Variants in VDAC1 observed in about 807,000 individuals in gnomAD.
VDAC1 encodes voltage dependent anion channel 1.
Under a neutral mutation model 34.7 loss-of-function variants are expected in VDAC1, and 10 were observed. The ratio of observed to expected loss-of-function variants is 0.29; its 90% CI spans 0.18 to 0.49. VDAC1 has a LOEUF of 0.49. Ranked by LOEUF, VDAC1 falls within the 20% of genes least tolerant of loss-of-function variation. VDAC1 has a pLI of 0.99. For missense variants in VDAC1, 230 were observed against 347.9 expected (o/e 0.66, Z 2.69); for synonymous variants, 130 against 136.0 (o/e 0.96, Z 0.30).
chr5:134,087,082 C>CA, the VDAC1 span, among the ~76,000 whole-genome samples: 1 of 152,138 alleles, frequency 6.6e-6, no homozygotes, highest in Non-Finnish European at 1.5e-5. Context: ...AGAATGCCTC[C>CA]ACTGCCTTTG....
At chr5:133,972,903 G>T (rs756927791) in intron 8 of VDAC1, 41 bp from the exon 9 acceptor site, 1 of 1,523,482 alleles carries the variant, frequency 6.6e-7, no homozygotes, top group Admixed American at 1.7e-5. Context: ...GAGGAGGAAT[G>T]GAGGAAAGAA....
intron 5 of VDAC1, chr5:133,988,848 A>G (rs1477750748): frequency 6.6e-6 from 1 of 152,196 alleles, no homozygotes; most frequent in African/African-American, 2.4e-5. Context: ...AAGCTCCCTA[A>G]GGTCATGGGA....
chr5:134,110,946 G>GTTGT, the VDAC1 span, among the ~76,000 whole-genome samples: 1 of 152,260 alleles, frequency 6.6e-6, no homozygotes, highest in Admixed American at 6.5e-5. Flanking sequence ...GACGTTACAT[G>GTTGT]AAGAGCCAAT....
intron 1 of VDAC1, among the ~76,000 whole-genome samples, chr5:133,999,041 T>C (rs554777369): frequency 1.3e-5 from 2 of 152,338 alleles, no homozygotes; most frequent in African/African-American, 4.8e-5. Context: ...CCAGGCATGG[T>C]GGCTCACGCC....
the VDAC1 span, among the ~76,000 whole-genome samples, chr5:134,034,780 A>G: frequency 6.6e-6 from 1 of 150,480 alleles, no homozygotes; most frequent in South Asian, 2.1e-4. Context: ...TATGGAGGAA[A>G]GGAGCTGCGA....
At chr5:134,016,531 G>C in the VDAC1 span, among the ~76,000 whole-genome samples, 4 of 151,948 alleles carry the variant, frequency 2.6e-5, no homozygotes, top group African/African-American at 9.7e-5. Flanking sequence ...GTTTTTCCTC[G>C]AGCCGAAAAT....
At chr5:134,014,810 G>A in the VDAC1 span, among the ~76,000 whole-genome samples, 14 of 152,270 alleles carry the variant, frequency 9.2e-5, no homozygotes, top group African/African-American at 2.2e-4. Flanking sequence ...AGGTTTCAGC[G>A]AGCCAAGATC....
At chr5:134,112,376 G>C in the VDAC1 span, among the ~76,000 whole-genome samples, 1 of 152,184 alleles carries the variant, frequency 6.6e-6, no homozygotes, top group Non-Finnish European at 1.5e-5. Context: ...CCCAAGCCAG[G>C]GCTAGGTACA....
chr5:134,062,089 C>A, the VDAC1 span, among the ~76,000 whole-genome samples: 1 of 151,358 alleles, frequency 6.6e-6, no homozygotes, highest in South Asian at 2.1e-4. Context: ...TGGGTTCAAG[C>A]GATTCTCCTG....
At chr5:134,080,777 G>A in the VDAC1 span, among the ~76,000 whole-genome samples, 5 of 152,102 alleles carry the variant, frequency 3.3e-5, no homozygotes, top group Admixed American at 6.5e-5. Context: ...AGGTATAATC[G>A]AAGTCTACTG....
At chr5:133,981,390 G>T (rs185690789) in intron 5 of VDAC1, among the ~76,000 whole-genome samples, 1 of 152,114 alleles carries the variant, frequency 6.6e-6, no homozygotes, top group Admixed American at 6.5e-5. Flanking sequence ...TTAAAGAGAC[G>T]GTTTTCTTCT....
At chr5:133,990,349 T>C (rs1386977770) in intron 5 of VDAC1, among the ~76,000 whole-genome samples, 1 of 152,196 alleles carries the variant, frequency 6.6e-6, no homozygotes, top group Non-Finnish European at 1.5e-5. Context: ...TGCTTCCAAA[T>C]GTCACCCACT....
chr5:134,024,528 C>CA, the VDAC1 span, among the ~76,000 whole-genome samples: 67 of 65,814 alleles, frequency 1.0e-3, no homozygotes, highest in East Asian at 1.8e-3. Context: ...GACCCTGTCT[C>CA]AAAAAAAAAA....
At chr5:134,020,392 T>A in the VDAC1 span, among the ~76,000 whole-genome samples, 1 of 151,668 alleles carries the variant, frequency 6.6e-6, no homozygotes, top group South Asian at 2.1e-4. Flanking sequence ...TTGCTTCCCC[T>A]TAACTGTGCT....
intron 1 of VDAC1, among the ~76,000 whole-genome samples, chr5:133,998,048 CAA>C (rs1287084840): frequency 7.6e-6 from 1 of 132,038 alleles, no homozygotes; most frequent in African/African-American, 2.9e-5. Context: ...GCCTGGGCAA[CAA>C]GAGTAAAACT....
At chr5:134,111,486 G>A in the VDAC1 span, among the ~76,000 whole-genome samples, 1 of 152,116 alleles carries the variant, frequency 6.6e-6, no homozygotes, top group Non-Finnish European at 1.5e-5. Context: ...TATCATCTGT[G>A]TATGTGATCT....
the VDAC1 span, among the ~76,000 whole-genome samples, chr5:134,053,999 G>A: frequency 6.6e-6 from 1 of 152,308 alleles, no homozygotes; most frequent in Non-Finnish European, 1.5e-5. Context: ...GCTGCTGTTT[G>A]TCACTGACAA....
the VDAC1 span, among the ~76,000 whole-genome samples, chr5:134,022,792 A>C: frequency 1.3e-5 from 2 of 152,254 alleles, no homozygotes; most frequent in Admixed American, 1.3e-4. Flanking sequence ...CCTTCACACC[A>C]GTTAGAATGA....
chr5:133,974,884 C>T (rs544603298), intron 7 of VDAC1, among the ~76,000 whole-genome samples: 2 of 151,104 alleles, frequency 1.3e-5, no homozygotes, highest in South Asian at 4.2e-4. Context: ...ACCTGGGGGA[C>T]GGAGGTTGCG....
Sources: allele counts gnomAD v4.1 joint callset (sites outside exome capture counted in the v4.1 genomes callset), GRCh38; gene constraint gnomAD v4.1.1; transcripts MANE v1.5; gene names NCBI Gene and HGNC (gene_info 2026-07-23, HGNC 2026-07-21).